TAF1B: variants seen among roughly 807,000 people sequenced by gnomAD.
The protein encoded by TAF1B is TATA-box binding protein associated factor, RNA polymerase I subunit B.
A neutral mutation model predicts 83.9 loss-of-function variants in TAF1B; 61 were observed. The ratio of observed to expected loss-of-function variants is 0.73; its 90% CI spans 0.59 to 0.90. The LOEUF is 0.90. Ranked by LOEUF, TAF1B falls within the 40% of genes least tolerant of loss-of-function variation. The probability of loss-of-function intolerance (pLI) is 0.00; values close to 1 mark genes in which losing one functional copy is unlikely to be tolerated. For missense variants in TAF1B, 625 were observed against 677.0 expected (o/e 0.92, Z 0.85); for synonymous variants, 221 against 224.6 (o/e 0.98, Z 0.14).
intron 5 of TAF1B, among the ~76,000 whole-genome samples, chr2:9,865,959 G>A (rs1278383671): frequency 6.6e-6 from 1 of 151,782 alleles, no homozygotes; most frequent in African/African-American, 2.4e-5. Context: ...AGACTTACAT[G>A]TTAGACCTAA....
intron 8 of TAF1B, among the ~76,000 whole-genome samples, chr2:9,893,569 T>G (rs1486162591): frequency 6.6e-6 from 1 of 152,158 alleles, no homozygotes; most frequent in Non-Finnish European, 1.5e-5. Context: ...CGCCCTGTAG[T>G]CTCAGCTACT....
rs368050170 is a variant in TAF1B, at chr2:9,901,774, C to T, written c.808-3085C>T. On this transcript the variant is annotated intron_variant, in intron 8 of 14. Coordinates refer to ENST00000263663, the MANE Select transcript of TAF1B (RefSeq NM_005680.3). Reference sequence around the variant, plus strand: ...AATTTTACAAATAAAAAGGAAGACACCTTCTTTTCAAAGTTCACTGAGAAC... The same window carrying T: ...AATTTTACAAATAAAAAGGAAGACATCTTCTTTTCAAAGTTCACTGAGAAC... 5.3e-5 allele frequency among the ~76,000 whole-genome samples: 8 copies of T among 151,938 alleles called. No homozygotes were observed. The East Asian group carries it at 9.6e-4, about 18-fold the overall frequency.
At chr2:9,911,721 T>C (rs982554133) in intron 11 of TAF1B, among the ~76,000 whole-genome samples, 164 bp downstream of exon 11, 2 of 152,222 alleles carry the variant, frequency 1.3e-5, no homozygotes, top group African/African-American at 2.4e-5. Flanking sequence ...AATTACCTAC[T>C]TGTATCTCTA....
chr2:9,879,526 A>G (rs369082518), intron 7 of TAF1B, among the ~76,000 whole-genome samples: 2 of 152,240 alleles, frequency 1.3e-5, no homozygotes, highest in South Asian at 2.1e-4. Context: ...TTCAGACCAC[A>G]GGTAGCTGAA....
At chr2:9,899,266 CT>C (rs1003103600) in intron 8 of TAF1B, among the ~76,000 whole-genome samples, 1 of 152,140 alleles carries the variant, frequency 6.6e-6, no homozygotes, top group African/African-American at 2.4e-5. Context: ...CAACATTTGA[CT>C]TTTTGTGTCT....
intron 5 of TAF1B, among the ~76,000 whole-genome samples, chr2:9,865,286 T>C (rs1663932759): frequency 6.6e-6 from 1 of 152,140 alleles, no homozygotes; most frequent in Admixed American, 6.5e-5. Flanking sequence ...AGCATTCTTA[T>C]ACACCAATAA....
chr2:9,903,162 T>C (rs1344941228), intron 8 of TAF1B, among the ~76,000 whole-genome samples: 1 of 152,192 alleles, frequency 6.6e-6, no homozygotes, highest in Non-Finnish European at 1.5e-5. Context: ...CTCGGCTCAC[T>C]GTAAGCTCCG....
intron 14 of TAF1B, among the ~76,000 whole-genome samples, chr2:9,929,193 C>G (rs978471599): frequency 6.9e-6 from 1 of 144,686 alleles, no homozygotes; most frequent in Non-Finnish European, 1.5e-5. Context: ...GAGTCTCGCT[C>G]TGTCGCCCAG....
At chr2:9,881,349 T>C (rs552269939) in intron 7 of TAF1B, among the ~76,000 whole-genome samples, 1 of 151,404 alleles carries the variant, frequency 6.6e-6, no homozygotes, top group East Asian at 1.9e-4. Flanking sequence ...AAAAAAAAAG[T>C]GTTGAATCAG....
At chr2:9,916,099 G>A (rs1665674682) in intron 12 of TAF1B, among the ~76,000 whole-genome samples, 1 of 152,232 alleles carries the variant, frequency 6.6e-6, no homozygotes, top group South Asian at 2.1e-4. Context: ...AGATATTTTG[G>A]AGTGATGGAA....
At chr2:9,848,038 A>T (rs1395571944) in intron 2 of TAF1B, among the ~76,000 whole-genome samples, 2 of 152,076 alleles carry the variant, frequency 1.3e-5, no homozygotes, top group Non-Finnish European at 1.5e-5. Flanking sequence ...TCATTTTTTC[A>T]GGTTTTTTGC....
At chr2:9,851,466 C>A in intron 3 of TAF1B, 75 bp from the exon 4 acceptor site, 10 of 1,172,094 alleles carry the variant, frequency 8.5e-6, no homozygotes, top group African/African-American at 1.6e-5. Flanking sequence ...GTGTAAAACA[C>A]AAATTGTAAC....
intron 5 of TAF1B, among the ~76,000 whole-genome samples, chr2:9,865,354 A>G (rs1193243510): frequency 6.6e-6 from 1 of 152,206 alleles, no homozygotes; most frequent in Non-Finnish European, 1.5e-5. Context: ...CTTCAAAGAG[A>G]ATAAAATACC....
chr2:9,843,498 C>T lies in TAF1B; in HGVS notation c.-44C>T. 1 of 1,520,474 alleles carries T rather than the reference C, an allele frequency of 6.6e-7. No homozygotes were observed. The highest frequency in any genetic ancestry group is 1.2e-5 in the South Asian group (1 of 82,310). 94.2% of individuals were successfully genotyped at this position (1,520,474 alleles called of 1,614,324 possible). A position where few individuals can be genotyped will look rare whatever the true frequency, so the allele number is the denominator to read the frequency against. ...CCTTTCCCGGAAGCTGCGCTCGCTA[C>T]CCGGGTAACGGGTCCCGGCTGTGGA... On this transcript the variant is annotated 5_prime_UTR_variant, in exon 1 of 15. Coordinates refer to ENST00000263663, the MANE Select transcript of TAF1B (RefSeq NM_005680.3).
At chr2:9,844,823 C>T (rs767876497) in intron 1 of TAF1B, among the ~76,000 whole-genome samples, 3 of 152,162 alleles carry the variant, frequency 2.0e-5, no homozygotes, top group Non-Finnish European at 4.4e-5. Context: ...CATTACAAAT[C>T]TAGTTCCTCT....
chr2:9,879,286 A>G (rs1253736704), intron 7 of TAF1B, among the ~76,000 whole-genome samples: 1 of 152,202 alleles, frequency 6.6e-6, no homozygotes, highest in African/African-American at 2.4e-5. Flanking sequence ...TATAAGGGGT[A>G]CTTGAATGCA....
At chr2:9,911,625 G>A (rs542669756) in intron 11 of TAF1B, 68 bp downstream of exon 11, 12 of 1,155,646 alleles carry the variant, frequency 1.0e-5, no homozygotes, top group African/African-American at 4.8e-5. Context: ...TGGAATAAAT[G>A]TAGGCAAACA....
chr2:9,911,410 T>C (rs1033043372), intron 10 of TAF1B, 101 bp from the exon 11 acceptor site: 29 of 899,124 alleles, frequency 3.2e-5, no homozygotes, highest in Non-Finnish European at 4.4e-5. Flanking sequence ...ATGGTATCAA[T>C]TTCAAATACT....
Position 9,875,772 on chromosome 2 carries a change from A to G in TAF1B, c.554-93A>G, listed in dbSNP as rs575385441. The G allele has an allele frequency of 2.3e-5, 31 of 1,356,302 alleles. No homozygotes were observed. In the African/African-American group the frequency reaches 2.7e-4, roughly 12 times the overall value. 84.0% of individuals were successfully genotyped at this position (1,356,302 alleles called of 1,614,324 possible). A position where few individuals can be genotyped will look rare whatever the true frequency, so the allele number is the denominator to read the frequency against. ...GTGAGGACACAGCCAAACCATGTCAATATTTAAAATGCCTGTTTAGATTTT... is the reference window on the plus strand; with the variant it reads ...GTGAGGACACAGCCAAACCATGTCAGTATTTAAAATGCCTGTTTAGATTTT... On this transcript the variant is annotated intron_variant, in intron 6 of 14. Transcript: ENST00000263663.
Sources: gnomAD v4.1 joint callset for allele counts (sites outside exome capture counted in the v4.1 genomes callset) on GRCh38, gnomAD v4.1.1 for gene constraint, MANE v1.5 for transcripts, NCBI Gene and HGNC (gene_info 2026-07-23, HGNC 2026-07-21) for gene names.